ATP6V1E1: variants seen among roughly 807,000 people sequenced by gnomAD.
ATP6V1E1 encodes the protein V-type proton ATPase subunit E 1.
ATP6V1E1 carries 21 observed loss-of-function variants against 35.2 expected under a neutral mutation model. The observed-to-expected ratio is 0.60, with a 90% CI of 0.42 to 0.86. ATP6V1E1 has a LOEUF of 0.86. Ranked by LOEUF, ATP6V1E1 falls within the 40% of genes least tolerant of loss-of-function variation. The pLI is 0.00. For synonymous variants in ATP6V1E1, 83 were observed against 87.8 expected (o/e 0.95, Z 0.30); for missense variants, 183 against 272.6 (o/e 0.67, Z 2.32).
At chr22:17,595,693 T>C (rs905878268) in intron 7 of ATP6V1E1, among the ~76,000 whole-genome samples, 1 of 152,084 alleles carries the variant, frequency 6.6e-6, no homozygotes, top group Non-Finnish European at 1.5e-5. Context: ...TGGTGGGGCG[T>C]GCCTGTAGTC....
At chr22:17,618,553 G>C (rs374967088) in intron 2 of ATP6V1E1, among the ~76,000 whole-genome samples, 6 of 151,678 alleles carry the variant, frequency 4.0e-5, no homozygotes, top group African/African-American at 1.5e-4. Context: ...GTGGTGGCGG[G>C]TGTCTGTAAT....
chr22:17,619,341 A>G lies in ATP6V1E1; in HGVS notation c.99+120T>C, dbSNP rs1601393972. 5 of 885,116 alleles carry G rather than the reference A, an allele frequency of 5.6e-6. No individual in the cohort carries two copies. The East Asian group carries it at 1.4e-4, about 24-fold the overall frequency. The allele number at this position is 885,116 out of a possible 1,614,324, so 54.8% of individuals were successfully genotyped here. On this transcript the variant is annotated intron_variant, in intron 2 of 8. Transcript: ENST00000253413. Reference sequence around the variant, plus strand: ...GAAGGAGGGGAAGGAGGGAAGGAAGAGACATTTTTATCAGTCCGATGCAAT... The same window carrying G: ...GAAGGAGGGGAAGGAGGGAAGGAAGGGACATTTTTATCAGTCCGATGCAAT...
At chr22:17,593,121 C>A in intron 8 of ATP6V1E1, among the ~76,000 whole-genome samples, 1 of 152,096 alleles carries the variant, frequency 6.6e-6, no homozygotes, top group Non-Finnish European at 1.5e-5. Context: ...AGGTGGAAAG[C>A]CATGAACCTC....
chr22:17,597,918 C>T lies in ATP6V1E1; in HGVS notation c.530+276G>A, dbSNP rs370750697. 3.2e-4 allele frequency: 126 copies of T among 390,348 alleles called. No homozygotes were observed. In the East Asian group the frequency reaches 5.4e-3, roughly 17 times the overall value. The allele number at this position is 390,348 out of a possible 1,614,324, so 24.2% of individuals were successfully genotyped here. On this transcript the variant is annotated intron_variant, in intron 7 of 8. Coordinates refer to ENST00000253413, the MANE Select transcript of ATP6V1E1 (RefSeq NM_001696.4). Reference sequence around the variant, plus strand: ...GGTCTCGATCTCTTGACCTTGTGATCCACCTGCCTCAGCCTCCCAAAGTGT... The same window carrying T: ...GGTCTCGATCTCTTGACCTTGTGATTCACCTGCCTCAGCCTCCCAAAGTGT...
intron 4 of ATP6V1E1, among the ~76,000 whole-genome samples, chr22:17,605,144 G>A (rs1262005254): frequency 6.9e-6 from 1 of 145,384 alleles, no homozygotes; most frequent in Non-Finnish European, 1.5e-5. Flanking sequence ...GGCGGAGGCT[G>A]CAGTGAGTTG....
At position 17,619,588 on chromosome 22, in the gene ATP6V1E1, T is replaced by C. The variant is rs987730588; in HGVS notation, c.34-62A>G. Reference sequence around the variant, plus strand: ...ATATGGAAATATCTTTTCTGATTCATTGAACAAGTAATCATAGGTAGGTGC... The same window carrying C: ...ATATGGAAATATCTTTTCTGATTCACTGAACAAGTAATCATAGGTAGGTGC... On this transcript the variant is annotated intron_variant, in intron 1 of 8. Coordinates refer to ENST00000253413, the MANE Select transcript of ATP6V1E1 (RefSeq NM_001696.4). 18 of 1,384,144 alleles carry C rather than the reference T, an allele frequency of 1.3e-5. No individual in the cohort carries two copies. The East Asian group carries it at 2.2e-4, about 17-fold the overall frequency. 85.7% of individuals were successfully genotyped at this position (1,384,144 alleles called of 1,614,324 possible). A position where few individuals can be genotyped will look rare whatever the true frequency, so the allele number is the denominator to read the frequency against.
chr22:17,604,760 G>A (rs1011451306), intron 4 of ATP6V1E1, among the ~76,000 whole-genome samples: 16 of 151,862 alleles, frequency 1.1e-4, no homozygotes, highest in South Asian at 1.0e-3. Context: ...CTCATGATCC[G>A]CCCTCCTCGG....
rs149300633 is a variant in ATP6V1E1, at chr22:17,624,806, G to A, written c.33+3797C>T. On this transcript the variant is annotated intron_variant, in intron 1 of 8. Transcript: ENST00000253413. ...ACTGCACTCCAGCCTAGGCGACAAA[G>A]CAAGACTCCATCTCAAAAAAAAAAA... Among the ~76,000 whole-genome samples the A allele has an allele frequency of 2.7e-3, 405 of 151,772 alleles. 4 individuals carry two copies. The highest frequency in any genetic ancestry group is 9.3e-3 in the African/African-American group (385 of 41,376).
At position 17,613,125 on chromosome 22, in the gene ATP6V1E1, T is replaced by C. The variant is rs1273686340; in HGVS notation, c.209+86A>G. On this transcript the variant is annotated intron_variant, in intron 3 of 8. Coordinates refer to ENST00000253413, the MANE Select transcript of ATP6V1E1 (RefSeq NM_001696.4). ...AGTAGTAGGTGGTCGAGTTAAGACC[T>C]GAATTTATATATGCCTGACTCCAAA... 5 of 1,192,518 alleles carry C rather than the reference T, an allele frequency of 4.2e-6. No individual in the cohort carries two copies. In the African/African-American group the frequency reaches 4.6e-5, roughly 11 times the overall value. 73.9% of individuals were successfully genotyped at this position (1,192,518 alleles called of 1,614,324 possible).
intron 2 of ATP6V1E1, among the ~76,000 whole-genome samples, chr22:17,614,901 G>A (rs575223234): frequency 1.3e-5 from 2 of 149,060 alleles, no homozygotes; most frequent in African/African-American, 2.5e-5. Flanking sequence ...CCCGGGAGGC[G>A]GAACTTGCAG....
At position 17,614,626 on chromosome 22, in the gene ATP6V1E1, C is replaced by G. The variant is rs1402375419; in HGVS notation, c.100-1306G>C. ...GGTGGAGGTTGCAGTGAGCTGAGAT[C>G]ACGCCATTGCACTCCAGCCTGGGCA... On this transcript the variant is annotated intron_variant, in intron 2 of 8. Coordinates refer to ENST00000253413, the MANE Select transcript of ATP6V1E1 (RefSeq NM_001696.4). Among the ~76,000 whole-genome samples the G allele has an allele frequency of 3.3e-5, 5 of 150,072 alleles. No individual in the cohort carries two copies. The East Asian group carries it at 9.8e-4, about 29-fold the overall frequency.
chr22:17,605,219 A>G lies in ATP6V1E1; in HGVS notation c.277-4038T>C, dbSNP rs868102655. On this transcript the variant is annotated intron_variant, in intron 4 of 8. Coordinates refer to ENST00000253413, the MANE Select transcript of ATP6V1E1 (RefSeq NM_001696.4). ...AGACTTCATCTCAAAAAAAAAAAAAAAAAAGAAAAGAAAAGAAAAGAAAAC... is the reference window on the plus strand; with the variant it reads ...AGACTTCATCTCAAAAAAAAAAAAAGAAAAGAAAAGAAAAGAAAAGAAAAC... Among the ~76,000 whole-genome samples the G allele has an allele frequency of 3.6e-4, 50 of 138,198 alleles. 2 individuals carry two copies. Among genetic ancestry groups the G allele is most frequent in the South Asian group, 6.6e-4 (3 of 4,574 alleles). The allele number at this position is 138,198 out of a possible 152,430, so 90.7% of individuals were successfully genotyped here. A position where few individuals can be genotyped will look rare whatever the true frequency, so the allele number is the denominator to read the frequency against.
At chr22:17,610,808 CTAT>C (rs1420992149) in intron 4 of ATP6V1E1, among the ~76,000 whole-genome samples, 1 of 152,092 alleles carries the variant, frequency 6.6e-6, no homozygotes, top group East Asian at 1.9e-4. Context: ...CTACACAGGC[CTAT>C]TATTAGAAGG....
rs2057939281 is a variant in ATP6V1E1 at position 17,628,596 on chromosome 22, C to A, written c.33+7G>T. On this transcript the variant is annotated splice_region_variant and intron_variant, in intron 1 of 8. Coordinates refer to ENST00000253413, the MANE Select transcript of ATP6V1E1 (RefSeq NM_001696.4). The stretch of plus-strand genomic sequence containing the variant: ...GCGGCTTCGTAAGACCCAACCAAGC[C>A]CCTCACCTGCTTTTGCACGTCAGCA... 6.2e-7 allele frequency: 1 copy of A among 1,614,042 alleles called. No individual in the cohort carries two copies. Among genetic ancestry groups the A allele is most frequent in the Non-Finnish European group, 8.5e-7 (1 of 1,180,058 alleles).
intron 6 of ATP6V1E1, among the ~76,000 whole-genome samples, chr22:17,598,747 T>C (rs566586728): frequency 6.6e-6 from 1 of 152,226 alleles, no homozygotes; most frequent in Admixed American, 6.5e-5. Flanking sequence ...ATGGTTCTTA[T>C]CAAAGTAACA....
intron 1 of ATP6V1E1, among the ~76,000 whole-genome samples, chr22:17,628,287 G>A (rs1026150328): frequency 6.6e-6 from 1 of 152,186 alleles, no homozygotes; most frequent in Non-Finnish European, 1.5e-5. Context: ...TTCAATCCTT[G>A]CACAGATCTC....
intron 1 of ATP6V1E1, among the ~76,000 whole-genome samples, chr22:17,622,430 C>T (rs1288179034): frequency 6.6e-6 from 1 of 152,090 alleles, no homozygotes; most frequent in African/African-American, 2.4e-5. Context: ...GCAGCTTCTC[C>T]ATATAACACA....
chr22:17,619,264 C>A (rs1395480018), intron 2 of ATP6V1E1, 197 bp downstream of exon 2: 1 of 580,212 alleles, frequency 1.7e-6, no homozygotes, highest in Non-Finnish European at 3.0e-6. Flanking sequence ...TGCACTTCAG[C>A]CTGGGCGACA....
intron 2 of ATP6V1E1, among the ~76,000 whole-genome samples, chr22:17,614,981 C>G (rs912349949): frequency 2.7e-5 from 4 of 150,886 alleles, no homozygotes; most frequent in African/African-American, 9.8e-5. Context: ...TTTTTTCCCT[C>G]ATGGGTAAGT....
Sources: allele counts gnomAD v4.1 joint callset (sites outside exome capture counted in the v4.1 genomes callset), GRCh38; gene constraint gnomAD v4.1.1; transcripts MANE v1.5; gene names NCBI Gene and HGNC (gene_info 2026-07-23, HGNC 2026-07-21).